Variants in CAMK2D observed in about 807,000 individuals in gnomAD.
The protein encoded by CAMK2D is calcium/calmodulin-dependent protein kinase type II subunit delta.
CAMK2D carries 37 observed loss-of-function variants against 84.0 expected under a neutral mutation model. The ratio of observed to expected loss-of-function variants is 0.44; its 90% confidence interval spans 0.34 to 0.58. CAMK2D has a LOEUF of 0.58. Among genes scored for constraint, CAMK2D ranks in the 20% least tolerant of loss-of-function variants. The probability of loss-of-function intolerance (pLI) is 0.02; values close to 1 mark genes in which losing one functional copy is unlikely to be tolerated. For missense variants in CAMK2D, 448 were observed against 652.5 expected (o/e 0.69, Z 3.41); for synonymous variants, 202 against 212.5 (o/e 0.95, Z 0.43).
intron 12 of CAMK2D, 98 bp from the exon 13 acceptor site, chr4:113,509,773 G>T: frequency 1.2e-6 from 1 of 843,118 alleles, no homozygotes. Context: ...TACCACCTTT[G>T]CTGAGTTCTG....
At chr4:113,456,743 A>G (rs1279709004) in intron 19 of CAMK2D, 1 of 152,452 alleles carries the variant, frequency 6.6e-6, no homozygotes, top group Non-Finnish European at 1.5e-5. Context: ...CTTGAAAGCA[A>G]TATCTTGTAC....
Position 113,513,864 on chromosome 4 carries a change from C to G in CAMK2D, c.869G>C (p.Cys290Ser). Reference sequence around the variant, plus strand: ...TCTTCTAGCATTAAATTTCTTCAAGCAGTCTACAGTCTCCTGTCTGTGCAT... The same window carrying G: ...TCTTCTAGCATTAAATTTCTTCAAGGAGTCTACAGTCTCCTGTCTGTGCAT... Reference protein sequence around the residue: ...SMMHRQETVDCLKKFNARRKL... With the variant: ...SMMHRQETVDSLKKFNARRKL... The change falls in exon 11 of 21, where the codon TGC becomes TCC. Residue 290 changes from cysteine (C) to serine (S), a missense_variant. Transcript: ENST00000511664. 1 of 1,593,238 alleles carries G rather than the reference C, an allele frequency of 6.3e-7. No individual in the cohort carries two copies. Among genetic ancestry groups the G allele is most frequent in the Non-Finnish European group, 8.6e-7 (1 of 1,163,110 alleles).
intron 6 of CAMK2D, among the ~76,000 whole-genome samples, chr4:113,541,662 T>C (rs1160472102): frequency 6.6e-6 from 1 of 152,172 alleles, no homozygotes; most frequent in African/African-American, 2.4e-5. Context: ...TATTATTTAA[T>C]TCTTAAATTC....
intron 2 of CAMK2D, among the ~76,000 whole-genome samples, chr4:113,663,354 G>A (rs1284938566): frequency 6.6e-6 from 1 of 152,128 alleles, no homozygotes; most frequent in Non-Finnish European, 1.5e-5. Flanking sequence ...GGTAGGCTGA[G>A]GCGGGTGGAT....
Position 113,661,777 on chromosome 4 carries a change from TAAA to T in CAMK2D, c.161-8_161-6del. 8.3e-7 allele frequency: 1 copy of T among 1,210,340 alleles called. No homozygotes were observed. The highest frequency in any genetic ancestry group is 1.1e-6 in the Non-Finnish European group (1 of 897,202). 75.0% of individuals were successfully genotyped at this position (1,210,340 alleles called of 1,614,324 possible). On this transcript the variant is annotated splice_region_variant and splice_polypyrimidine_tract_variant and intron_variant, in intron 2 of 20. Coordinates refer to ENST00000511664, the MANE Select transcript of CAMK2D (RefSeq NM_001321571.2). ...CTCTTTCTAGTTTCTGATGATCTGTTAAAAAAAAAAACAGAATAAGGCAAAAAT... is the reference window on the plus strand; with the variant it reads ...CTCTTTCTAGTTTCTGATGATCTGTTAAAAAAAACAGAATAAGGCAAAAAT...
intron 13 of CAMK2D, among the ~76,000 whole-genome samples, 193 bp from the exon 14 acceptor site, chr4:113,505,228 T>C (rs1301749149): frequency 6.6e-6 from 1 of 152,188 alleles, no homozygotes; most frequent in African/African-American, 2.4e-5. Context: ...GGCTGGACCA[T>C]GTCCGTGATG....
At chr4:113,510,318 G>A (rs1202166576) in intron 12 of CAMK2D, among the ~76,000 whole-genome samples, 1 of 152,006 alleles carries the variant, frequency 6.6e-6, no homozygotes, top group African/African-American at 2.4e-5. Context: ...ATTAAAATCA[G>A]AATACAAAGG....
intron 4 of CAMK2D, among the ~76,000 whole-genome samples, chr4:113,576,202 C>T (rs1008299770): frequency 1.3e-5 from 2 of 151,986 alleles, no homozygotes; most frequent in Non-Finnish European, 2.9e-5. Context: ...CGCCTGGCCC[C>T]TGAAAATATT....
intron 2 of CAMK2D, among the ~76,000 whole-genome samples, chr4:113,706,107 C>A (rs939902768): frequency 3.9e-5 from 6 of 152,108 alleles, no homozygotes; most frequent in Non-Finnish European, 8.8e-5. Context: ...CTGCACTGAG[C>A]CACAGATTCT....
At chr4:113,561,951 C>T (rs1168610375) in intron 4 of CAMK2D, among the ~76,000 whole-genome samples, 1 of 152,092 alleles carries the variant, frequency 6.6e-6, no homozygotes, top group Non-Finnish European at 1.5e-5. Flanking sequence ...GGAATATTAC[C>T]AAATGGTTTA....
intron 2 of CAMK2D, among the ~76,000 whole-genome samples, chr4:113,665,971 T>C (rs1463870585): frequency 6.6e-6 from 1 of 152,204 alleles, no homozygotes; most frequent in Non-Finnish European, 1.5e-5. Context: ...TGTTATAACA[T>C]TGCTTCCCAG....
intron 3 of CAMK2D, among the ~76,000 whole-genome samples, chr4:113,655,029 T>A (rs1592563031): frequency 6.6e-6 from 1 of 152,160 alleles, no homozygotes; most frequent in East Asian, 1.9e-4. Flanking sequence ...CATAATAATG[T>A]ACTCAACTGT....
chr4:113,619,231 A>ATC (rs2099034780), intron 3 of CAMK2D, among the ~76,000 whole-genome samples: 1 of 85,432 alleles, frequency 1.2e-5, no homozygotes, highest in Non-Finnish European at 2.0e-5. Flanking sequence ...ATACATACAT[A>ATC]TATAGAAAAT....
chr4:113,652,425 A>T (rs1026142406), intron 3 of CAMK2D, among the ~76,000 whole-genome samples: 1 of 152,138 alleles, frequency 6.6e-6, no homozygotes, highest in African/African-American at 2.4e-5. Context: ...TAATACAAGT[A>T]CTTACCATAG....
Position 113,609,256 on chromosome 4 carries a change from C to A in CAMK2D, c.221-50G>T. On this transcript the variant is annotated intron_variant, in intron 3 of 20. Coordinates refer to ENST00000511664, the MANE Select transcript of CAMK2D (RefSeq NM_001321571.2). The stretch of plus-strand genomic sequence containing the variant: ...ATTGTGTTATACCTATTCCAACGAT[C>A]AACGTTAAACCCCACTTCACATGGA... The A allele has an allele frequency of 4.3e-6, 4 of 923,936 alleles. No individual in the cohort carries two copies. In the South Asian group the frequency reaches 5.2e-5, roughly 12 times the overall value. 57.2% of individuals were successfully genotyped at this position (923,936 alleles called of 1,614,324 possible). A position where few individuals can be genotyped will look rare whatever the true frequency, so the allele number is the denominator to read the frequency against.
At chr4:113,475,824 C>T (rs990301388) in intron 16 of CAMK2D, among the ~76,000 whole-genome samples, 2 of 152,170 alleles carry the variant, frequency 1.3e-5, no homozygotes, top group Admixed American at 1.3e-4. Context: ...GTAGCTTGTG[C>T]TTTCATTACA....
intron 3 of CAMK2D, among the ~76,000 whole-genome samples, chr4:113,641,288 T>G (rs1408786190): frequency 1.3e-5 from 2 of 152,218 alleles, no homozygotes; most frequent in Non-Finnish European, 2.9e-5. Context: ...GGTTCCACCC[T>G]TCATAAACTA....
chr4:113,454,699 AAG>A (rs1307729067), intron 20 of CAMK2D, among the ~76,000 whole-genome samples, 184 bp from the exon 21 acceptor site: 5 of 152,316 alleles, frequency 3.3e-5, no homozygotes, highest in African/African-American at 7.2e-5. Context: ...ATGTTACACA[AAG>A]AGAGTATTAA....
intron 4 of CAMK2D, among the ~76,000 whole-genome samples, chr4:113,592,125 T>C (rs946528989): frequency 1.3e-5 from 2 of 152,068 alleles, no homozygotes; most frequent in African/African-American, 2.4e-5. Flanking sequence ...GGGTTGGTGG[T>C]TGTGGTTAAC....
Sources: gnomAD v4.1 joint callset for allele counts (sites outside exome capture counted in the v4.1 genomes callset) on GRCh38, gnomAD v4.1.1 for gene constraint, MANE v1.5 for transcripts, NCBI Gene and HGNC (gene_info 2026-07-23, HGNC 2026-07-21) for gene names.